The following ANKRD36C variants were observed in gnomAD, a reference collection of about 807,000 sequenced individuals.
ANKRD36C encodes ankyrin repeat domain 36C.
In ANKRD36C, 61 loss-of-function variants were observed where a neutral mutation model predicts 276.4. That is an observed-to-expected ratio of 0.22 (90% CI 0.18 to 0.27). The LOEUF (loss-of-function observed/expected upper bound fraction) is 0.27. ANKRD36C is among the 10% of genes least tolerant of loss of function. ANKRD36C has a pLI of 1.00. For missense variants in ANKRD36C, 1,447 were observed against 2,032.3 expected (o/e 0.71, Z 5.54); for synonymous variants, 483 against 680.1 (o/e 0.71, Z 4.51).
chr2:95,949,706 T>C (rs1349197463), intron 16 of ANKRD36C, among the ~76,000 whole-genome samples: 2 of 152,294 alleles, frequency 1.3e-5, no homozygotes, highest in Non-Finnish European at 2.9e-5. Context: ...ATTTACTGTA[T>C]CCAAATAATT....
intron 13 of ANKRD36C, among the ~76,000 whole-genome samples, chr2:95,956,532 C>G (rs1327022653): frequency 6.6e-6 from 1 of 152,218 alleles, no homozygotes; most frequent in East Asian, 1.9e-4. Context: ...ATGGTCAAAT[C>G]ATGGGTTGGC....
In ANKRD36C at chr2:95,889,788, T is replaced by C. The variant is rs745917867; in HGVS notation, c.2959+11A>G. On this transcript the variant is annotated intron_variant, in intron 48 of 66. Transcript: ENST00000456556. ...GAACGAACATCCTATTAAATGTGTT[T>C]GCAAAATTACCTGTCCCAGATATTT... 1.1e-5 allele frequency: 18 copies of C among 1,579,210 alleles called. No homozygotes were observed. The African/African-American group carries it at 1.8e-4, about 15-fold the overall frequency.
At chr2:95,978,955 T>G (rs562807707) in intron 5 of ANKRD36C, among the ~76,000 whole-genome samples, 1 of 152,202 alleles carries the variant, frequency 6.6e-6, no homozygotes, top group East Asian at 1.9e-4. Flanking sequence ...AGACTCTAAC[T>G]GAATGAGCAG....
chr2:95,890,378 TC>T (rs1403525289), intron 46 of ANKRD36C, among the ~76,000 whole-genome samples: 3 of 151,444 alleles, frequency 2.0e-5, no homozygotes, highest in Non-Finnish European at 3.0e-5. Context: ...ATGTAAGAAA[TC>T]AAAGGATATA....
In ANKRD36C at chr2:95,887,915, G is replaced by C. The variant is rs755906665; in HGVS notation, c.3061+10C>G. ...CTGAACATGACATTAAATGTGTTTT[G>C]TGAAATTACCTGTTCCAGATTGTTG... On this transcript the variant is annotated intron_variant, in intron 50 of 66. Transcript: ENST00000456556. 1.2e-5 allele frequency: 19 copies of C among 1,577,240 alleles called. No homozygotes were observed. The highest frequency in any genetic ancestry group is 1.4e-5 in the Non-Finnish European group (16 of 1,160,390).
chr2:95,918,117 G>A (rs2104415534), intron 34 of ANKRD36C, 75 bp from the exon 37 acceptor site: 8 of 1,555,900 alleles, frequency 5.1e-6, no homozygotes, highest in South Asian at 2.3e-5. Context: ...CACAGTGTTA[G>A]CATCAAGCTG....
At position 95,852,055 on chromosome 2, in the gene ANKRD36C, A is replaced by G. The variant is rs567152866; in HGVS notation, c.5219+71T>C. 6.6e-5 allele frequency: 98 copies of G among 1,474,806 alleles called. No homozygotes were observed. The South Asian group carries it at 1.1e-3, about 16-fold the overall frequency. The allele number at this position is 1,474,806 out of a possible 1,614,324, so 91.4% of individuals were successfully genotyped here. On this transcript the variant is annotated intron_variant, in intron 65 of 66. Transcript: ENST00000456556. ...ACATACTAATTATCATAACTGATAC[A>G]ATTTTCATACTACAGTGCTCCTTTG...
intron 58 of ANKRD36C, 101 bp downstream of exon 78, chr2:95,880,321 GAAATA>G (rs1676048456): frequency 8.6e-7 from 1 of 1,167,388 alleles, no homozygotes; most frequent in African/African-American, 1.6e-5. Context: ...ATGAAATCCT[GAAATA>G]AAATATAAAA....
exon 8 of ANKRD36C, chr2:95,962,371 A>C: frequency 1.3e-6 from 2 of 1,558,208 alleles, no homozygotes; most frequent in Admixed American, 1.9e-5. Context: ...ATTTTTGTCC[A>C]TCCTTTATTT....
intron 34 of ANKRD36C, 85 bp downstream of exon 34, chr2:95,921,522 C>A (rs1056730490): frequency 6.6e-6 from 10 of 1,521,340 alleles, no homozygotes; most frequent in African/African-American, 1.4e-5. Context: ...AGCCCCCCCA[C>A]CTGCCCTCCA....
At chr2:95,910,638 C>G in intron 42 of ANKRD36C, 70 bp from the exon 45 acceptor site, 1 of 1,596,638 alleles carries the variant, frequency 6.3e-7, no homozygotes, top group Non-Finnish European at 8.5e-7. Context: ...ATTCATGCAG[C>G]GTTAGCATCA....
intron 34 of ANKRD36C, among the ~76,000 whole-genome samples, chr2:95,918,521 T>C (rs1677176883): frequency 6.6e-6 from 1 of 151,666 alleles, no homozygotes; most frequent in Non-Finnish European, 1.5e-5. Flanking sequence ...GACACTTCAG[T>C]TGAACATACA....
At chr2:95,914,443 G>A (rs1573762107) in intron 38 of ANKRD36C, 140 bp from the exon 41 acceptor site, 13 of 1,134,744 alleles carry the variant, frequency 1.1e-5, no homozygotes, top group Middle Eastern at 5.8e-4. Flanking sequence ...TGTGTCTGGG[G>A]ACTAGAACAT....
intron 30 of ANKRD36C, among the ~76,000 whole-genome samples, chr2:95,924,002 T>G (rs1378193297): frequency 1.3e-5 from 2 of 151,686 alleles, no homozygotes; most frequent in Non-Finnish European, 3.0e-5. Context: ...GAGGAGCAAC[T>G]CATACACCTG....
At chr2:95,978,372 T>C (rs1374826882) in intron 5 of ANKRD36C, among the ~76,000 whole-genome samples, 183 bp from the exon 6 acceptor site, 1 of 152,090 alleles carries the variant, frequency 6.6e-6, no homozygotes, top group Non-Finnish European at 1.5e-5. Context: ...ACAGGTGAAG[T>C]ACTCATGAAG....
chr2:95,888,059 A>AAT (rs1676245054), intron 49 of ANKRD36C, 33 bp downstream of exon 69: 1 of 1,609,796 alleles, frequency 6.2e-7, no homozygotes, highest in African/African-American at 1.3e-5. Flanking sequence ...CCACACAGTT[A>AAT]ATAGTTCACA....
intron 44 of ANKRD36C, among the ~76,000 whole-genome samples, chr2:95,895,818 C>T (rs1434587910): frequency 2.6e-5 from 4 of 151,038 alleles, no homozygotes; most frequent in Non-Finnish European, 4.4e-5. Context: ...TATGATTTGT[C>T]ATGTGTCGAA....
intron 46 of ANKRD36C, among the ~76,000 whole-genome samples, chr2:95,891,214 T>C (rs575213716): frequency 3.3e-5 from 5 of 150,756 alleles, no homozygotes; most frequent in South Asian, 2.1e-4. Flanking sequence ...CAATCCGTCT[T>C]CCTTAGGAAA....
intron 6 of ANKRD36C, among the ~76,000 whole-genome samples, chr2:95,970,547 T>C (rs1678677509): frequency 6.6e-6 from 1 of 152,096 alleles, no homozygotes; most frequent in Non-Finnish European, 1.5e-5. Context: ...AACAGTTGTC[T>C]CCCTACCTAG....
Sources: allele counts gnomAD v4.1 joint callset (sites outside exome capture counted in the v4.1 genomes callset), GRCh38; gene constraint gnomAD v4.1.1; transcripts MANE v1.5; gene names NCBI Gene and HGNC (gene_info 2026-07-23, HGNC 2026-07-21).